Variants in GAREM1 observed in about 807,000 individuals in gnomAD.
The protein encoded by GAREM1 is GRB2-associated and regulator of MAPK protein 1.
GAREM1 carries 26 observed loss-of-function variants against 71.3 expected under a neutral mutation model. The ratio of observed to expected loss-of-function variants is 0.36; its 90% confidence interval spans 0.27 to 0.51. The LOEUF (loss-of-function observed/expected upper bound fraction) is 0.51. Ranked by LOEUF, GAREM1 falls within the 20% of genes least tolerant of loss-of-function variation. The pLI, the probability that GAREM1 is intolerant of heterozygous loss-of-function variation, is 0.95. For missense variants in GAREM1, 1,026 were observed against 1,103.1 expected, an observed-to-expected ratio of 0.93 and a Z score of 0.99; for synonymous variants, 440 against 433.2, an observed-to-expected ratio of 1.02 and a Z score of -0.20.
At chr18:32,461,975 T>A (rs2048957455) in intron 1 of GAREM1, among the ~76,000 whole-genome samples, 1 of 152,132 alleles carries the variant, frequency 6.6e-6, no homozygotes, top group Non-Finnish European at 1.5e-5. Flanking sequence ...AGCCAATGAG[T>A]GAAAGAGACT....
intron 1 of GAREM1, among the ~76,000 whole-genome samples, chr18:32,440,244 G>T (rs2144272684): frequency 6.6e-6 from 1 of 152,258 alleles, no homozygotes; most frequent in South Asian, 2.1e-4. Context: ...TTTAGCTGAA[G>T]AAAGTGAGGT....
chr18:32,306,456 A>G (rs1213034412), intron 3 of GAREM1, among the ~76,000 whole-genome samples: 3 of 141,568 alleles, frequency 2.1e-5, no homozygotes, highest in African/African-American at 8.4e-5. Flanking sequence ...CAGAATGTTT[A>G]GCAGCAACCC....
chr18:32,458,441 T>A (rs1385654069), intron 1 of GAREM1, among the ~76,000 whole-genome samples: 1 of 152,046 alleles, frequency 6.6e-6, no homozygotes, highest in Admixed American at 6.6e-5. Context: ...AAATCCAATA[T>A]CCAGGTTGGT....
intron 1 of GAREM1, among the ~76,000 whole-genome samples, chr18:32,404,799 C>T (rs1043698383): frequency 2.6e-5 from 4 of 152,182 alleles, no homozygotes; most frequent in Admixed American, 1.3e-4. Context: ...CTATAGTGGA[C>T]ATTTAAATAG....
At chr18:32,434,038 C>G (rs1268973141) in intron 1 of GAREM1, among the ~76,000 whole-genome samples, 8 of 152,104 alleles carry the variant, frequency 5.3e-5, no homozygotes, top group Admixed American at 2.0e-4. Flanking sequence ...CTGAACTATA[C>G]TCAAGACTGT....
At chr18:32,316,606 A>T (rs2047380023) in intron 2 of GAREM1, among the ~76,000 whole-genome samples, 1 of 151,940 alleles carries the variant, frequency 6.6e-6, no homozygotes, top group Non-Finnish European at 1.5e-5. Flanking sequence ...CACCACACCC[A>T]GCTAATTGTT....
chr18:32,384,725 A>G (rs1311413130), intron 2 of GAREM1, among the ~76,000 whole-genome samples: 2 of 152,232 alleles, frequency 1.3e-5, no homozygotes, highest in African/African-American at 4.8e-5. Flanking sequence ...CTCATCATGA[A>G]ATCCATTCAT....
chr18:32,363,995 C>CTATATATATAT (rs1555638701), intron 2 of GAREM1, among the ~76,000 whole-genome samples: 1 of 21,330 alleles, frequency 4.7e-5, no homozygotes, highest in Non-Finnish European at 8.5e-5. Flanking sequence ...TACATATATA[C>CTATATATATAT]ATATATATAT....
intron 1 of GAREM1, among the ~76,000 whole-genome samples, chr18:32,396,625 G>T (rs1039827023): frequency 5.6e-4 from 86 of 152,228 alleles, no homozygotes; most frequent in African/African-American, 2.0e-3. Flanking sequence ...AAAAAGAAAC[G>T]AACAAAGCCT....
At chr18:32,382,970 GA>G (rs2048111694) in intron 2 of GAREM1, among the ~76,000 whole-genome samples, 1 of 152,154 alleles carries the variant, frequency 6.6e-6, no homozygotes, top group Non-Finnish European at 1.5e-5. Flanking sequence ...GAAACGTATG[GA>G]ATGTAGAAGG....
At chr18:32,467,614 T>G (rs2049011184) in intron 1 of GAREM1, among the ~76,000 whole-genome samples, 1 of 152,222 alleles carries the variant, frequency 6.6e-6, no homozygotes, top group African/African-American at 2.4e-5. Flanking sequence ...AGTTGTGAAA[T>G]TAGATTTTTT....
chr18:32,382,500 G>T (rs991082948), intron 2 of GAREM1, among the ~76,000 whole-genome samples: 2 of 152,068 alleles, frequency 1.3e-5, no homozygotes, highest in Admixed American at 1.3e-4. Flanking sequence ...CTGGTGTGGC[G>T]AGTGCCTGCT....
In GAREM1 at chr18:32,378,012, C is replaced by CTGTGTGTGTG. The variant is rs1157230204; in HGVS notation, c.262+14873_262+14882dup. Among the ~76,000 whole-genome samples, 1,208 of 131,796 alleles carry CTGTGTGTGTG rather than the reference C, an allele frequency of 9.2e-3. 17 individuals are homozygous for CTGTGTGTGTG. Among genetic ancestry groups the CTGTGTGTGTG allele is most frequent in the African/African-American group, 0.018 (577 of 32,598 alleles). 86.5% of individuals were successfully genotyped at this position (131,796 alleles called of 152,430 possible). ...ATCCCAAAGATCACTTACTATATAA[C>CTGTGTGTGTG]TGTGTGTGTGTGTGTGTGTGTGTGT... is the stretch of plus-strand genomic sequence containing the variant. On this transcript the variant is annotated intron_variant, in intron 2 of 5. Coordinates refer to ENST00000269209, the MANE Select transcript of GAREM1 (RefSeq NM_001242409.2).
At chr18:32,300,409 A>C (rs999876517) in intron 3 of GAREM1, among the ~76,000 whole-genome samples, 1 of 152,230 alleles carries the variant, frequency 6.6e-6, no homozygotes, top group African/African-American at 2.4e-5. Flanking sequence ...GAAGAATACT[A>C]AATGTTTCAG....
At chr18:32,393,182 T>G (rs866752488) in intron 1 of GAREM1, 147 bp from the exon 2 acceptor site, 1 of 389,726 alleles carries the variant, frequency 2.6e-6, no homozygotes, top group Non-Finnish European at 3.9e-6. Context: ...TCTGAATTGT[T>G]TTTTTTTTTT....
At chr18:32,462,404 T>C (rs192771198) in intron 1 of GAREM1, among the ~76,000 whole-genome samples, 2 of 152,302 alleles carry the variant, frequency 1.3e-5, no homozygotes, top group East Asian at 3.9e-4. Context: ...TATAAGCCAT[T>C]TGTATGTCTT....
intron 1 of GAREM1, among the ~76,000 whole-genome samples, chr18:32,457,668 T>C (rs2048909906): frequency 6.6e-6 from 1 of 152,206 alleles, no homozygotes; most frequent in Admixed American, 6.5e-5. Flanking sequence ...GTTGTTTCAC[T>C]TTTAGCAACT....
chr18:32,337,971 C>T (rs2047614668), intron 2 of GAREM1, among the ~76,000 whole-genome samples: 1 of 152,280 alleles, frequency 6.6e-6, no homozygotes, highest in South Asian at 2.1e-4. Flanking sequence ...AGGCATACCA[C>T]AAGACCCAAA....
Position 32,268,397 on chromosome 18 carries a change from G to C in GAREM1, c.2105C>G (p.Ser702Cys), listed in dbSNP as rs1331845150. Residue 702 changes from serine (S) to cysteine (C), a missense_variant, in exon 6 of 6, where the codon TCT becomes TGT. Physicochemically the swap from Ser to Cys is moderately radical, Grantham distance 112 (BLOSUM62 -1). This residue lies in a region of GAREM1 where 636 missense variants were observed against 631.2 expected (regional missense o/e 1.01). Transcript: ENST00000269209. ...VSGCPKSASY[S>C]LESTDVKSLA... ...AGATTTCACATCTGTGCTCTCCAGA[G>C]AGTAGCTGGCTGACTTGGGACAACC... 2 of 1,614,226 alleles carry C rather than the reference G, an allele frequency of 1.2e-6. No individual in the cohort carries two copies. Among genetic ancestry groups the C allele is most frequent in the East Asian group, 4.5e-5 (2 of 44,886 alleles).
Sources: gnomAD v4.1 joint callset for allele counts (sites outside exome capture counted in the v4.1 genomes callset) on GRCh38, gnomAD v4.1.1 for gene constraint, gnomAD v4.1.1 regional missense constraint, MANE v1.5 for transcripts, NCBI Gene and HGNC (gene_info 2026-07-23, HGNC 2026-07-21) for gene names.